Variants in SGCZ observed in about 807,000 individuals in gnomAD.
SGCZ encodes the protein sarcoglycan zeta, also known as zeta-sarcoglycan.
A neutral mutation model predicts 41.3 loss-of-function variants in SGCZ; 40 were observed. The observed-to-expected ratio is 0.97, with a 90% confidence interval of 0.75 to 1.26. The LOEUF (loss-of-function observed/expected upper bound fraction) is 1.26, where lower values mean the gene tolerates loss of function less well. Ranked by LOEUF, SGCZ falls within the 50% of genes most tolerant of loss-of-function variation. The pLI, the probability that SGCZ is intolerant of heterozygous loss-of-function variation, is 0.00. For synonymous variants in SGCZ, 206 were observed against 137.5 expected (o/e 1.50, Z -3.49); for missense variants, 552 against 369.8 (o/e 1.49, Z -4.04).
At chr8:14,786,719 A>G (rs1800777675) in intron 1 of SGCZ, among the ~76,000 whole-genome samples, 1 of 152,118 alleles carries the variant, frequency 6.6e-6, no homozygotes, top group African/African-American at 2.4e-5. Context: ...AATTACAAAT[A>G]TCTAAAGGGA....
rs1802048504 is a variant in SGCZ, at chr8:14,102,109, T to TTA, written c.744+266_744+267insTA. Reference sequence around the variant, plus strand: ...ATATATATATATATATATATAATTTTTTTTTTTTTTAGTAGAGATGGGGTT... The same window carrying TTA: ...ATATATATATATATATATATAATTTTTATTTTTTTTTTAGTAGAGATGGGGTT... On this transcript the variant is annotated intron_variant, in intron 7 of 7. Coordinates refer to ENST00000382080, the MANE Select transcript of SGCZ (RefSeq NM_139167.4). Among the ~76,000 whole-genome samples the TTA allele has an allele frequency of 5.4e-5, 8 of 146,960 alleles. No homozygotes were observed. The South Asian group carries it at 1.7e-3, about 31-fold the overall frequency.
chr8:14,736,220 GTTC>G, intron 1 of SGCZ, among the ~76,000 whole-genome samples: 1 of 152,102 alleles, frequency 6.6e-6, no homozygotes, highest in East Asian at 1.9e-4. Context: ...ACCACCTTTT[GTTC>G]TTCTGATTTC....
chr8:14,625,596 T>C (rs1806428711), intron 1 of SGCZ, among the ~76,000 whole-genome samples: 1 of 152,064 alleles, frequency 6.6e-6, no homozygotes, highest in African/African-American at 2.4e-5. Context: ...TTGTTGTTTT[T>C]GTTTTGTTTA....
At chr8:14,840,010 A>G (rs1802844556) in intron 1 of SGCZ, among the ~76,000 whole-genome samples, 1 of 151,978 alleles carries the variant, frequency 6.6e-6, no homozygotes. Flanking sequence ...TTGTTTTTAC[A>G]CCACTTTACA....
At chr8:14,538,868 C>T (rs1041364150) in intron 2 of SGCZ, among the ~76,000 whole-genome samples, 3 of 151,826 alleles carry the variant, frequency 2.0e-5, no homozygotes, top group Non-Finnish European at 2.9e-5. Context: ...ATGGTTCCCT[C>T]TAATTGCAAT....
chr8:14,541,340 C>G (rs996211286), intron 2 of SGCZ, among the ~76,000 whole-genome samples: 1 of 151,930 alleles, frequency 6.6e-6, no homozygotes, highest in African/African-American at 2.4e-5. Flanking sequence ...GTGATGTTCC[C>G]CTCCCTGTGT....
chr8:14,690,074 G>A (rs1368057014), intron 1 of SGCZ, among the ~76,000 whole-genome samples: 1 of 150,424 alleles, frequency 6.6e-6, no homozygotes, highest in African/African-American at 2.4e-5. Flanking sequence ...AGACAAATTC[G>A]TGCCACAAAT....
intron 2 of SGCZ, among the ~76,000 whole-genome samples, chr8:14,377,008 TG>T (rs1804156441): frequency 6.6e-6 from 1 of 152,208 alleles, no homozygotes; most frequent in Non-Finnish European, 1.5e-5. Flanking sequence ...GAACCCCTTT[TG>T]TTATACACAA....
At chr8:14,568,504 AT>A (rs1804452494) in intron 1 of SGCZ, among the ~76,000 whole-genome samples, 1 of 146,566 alleles carries the variant, frequency 6.8e-6, no homozygotes, top group African/African-American at 2.5e-5. Context: ...CTTTTGGAGG[AT>A]TTATATGTCA....
intron 5 of SGCZ, among the ~76,000 whole-genome samples, chr8:14,146,522 A>G (rs1017277894): frequency 2.0e-5 from 3 of 152,216 alleles, no homozygotes; most frequent in Admixed American, 6.5e-5. Flanking sequence ...GGCCATAGTA[A>G]GTAAACAGAA....
At chr8:14,613,906 A>T (rs1806012455) in intron 1 of SGCZ, among the ~76,000 whole-genome samples, 1 of 152,194 alleles carries the variant, frequency 6.6e-6, no homozygotes, top group South Asian at 2.1e-4. Context: ...AAAAAAATCA[A>T]AATCTAGCAG....
intron 4 of SGCZ, among the ~76,000 whole-genome samples, chr8:14,177,748 TCTC>T (rs1442684807): frequency 6.8e-6 from 1 of 147,082 alleles, no homozygotes; most frequent in Non-Finnish European, 1.5e-5. Flanking sequence ...ATGGTCTCGA[TCTC>T]CTGACCTCGT....
chr8:14,856,069 G>A (rs1450657192), intron 1 of SGCZ, among the ~76,000 whole-genome samples: 2 of 152,116 alleles, frequency 1.3e-5, no homozygotes, highest in Non-Finnish European at 2.9e-5. Flanking sequence ...CTAATACATT[G>A]TAAATTAATC....
Position 14,760,564 on chromosome 8 carries a change from C to T in SGCZ, c.40-205638G>A, listed in dbSNP as rs938822604. Among the ~76,000 whole-genome samples the T allele has an allele frequency of 5.9e-5, 9 of 152,036 alleles. No individual in the cohort carries two copies. The South Asian group carries it at 1.9e-3, about 32-fold the overall frequency. On this transcript the variant is annotated intron_variant, in intron 1 of 7. Coordinates refer to ENST00000382080, the MANE Select transcript of SGCZ (RefSeq NM_139167.4). ...ACCATGTAAAATACGGCATGTAACC[C>T]TCATTTAACTTTTGCAGTGTACAAC...
chr8:14,894,088 ATTGAT>A (rs1805112619), intron 1 of SGCZ, among the ~76,000 whole-genome samples: 1 of 152,176 alleles, frequency 6.6e-6, no homozygotes, highest in Admixed American at 6.5e-5. Context: ...ATTAATTGGC[ATTGAT>A]TTATCAAGCT....
At chr8:15,026,335 T>C (rs924562230) in intron 1 of SGCZ, among the ~76,000 whole-genome samples, 10 of 152,210 alleles carry the variant, frequency 6.6e-5, no homozygotes, top group African/African-American at 2.4e-4. Context: ...ATATTTGTTT[T>C]CAAACACTGA....
intron 1 of SGCZ, among the ~76,000 whole-genome samples, chr8:15,025,336 G>A (rs1470696838): frequency 6.6e-6 from 1 of 152,036 alleles, no homozygotes; most frequent in African/African-American, 2.4e-5. Context: ...TGAGTTTCAG[G>A]CTGTCATCTC....
intron 1 of SGCZ, among the ~76,000 whole-genome samples, chr8:14,669,076 T>A (rs956089681): frequency 6.6e-6 from 1 of 152,048 alleles, no homozygotes; most frequent in Non-Finnish European, 1.5e-5. Flanking sequence ...GGCTCAGGCC[T>A]GTAATCCCAG....
intron 1 of SGCZ, among the ~76,000 whole-genome samples, chr8:14,996,413 G>T (rs1802222273): frequency 6.6e-6 from 1 of 152,096 alleles, no homozygotes; most frequent in Non-Finnish European, 1.5e-5. Flanking sequence ...TTTTTGTTTT[G>T]TTTTGAAAGA....
Sources: allele counts gnomAD v4.1 joint callset (sites outside exome capture counted in the v4.1 genomes callset), GRCh38; gene constraint gnomAD v4.1.1; transcripts MANE v1.5; gene names NCBI Gene and HGNC (gene_info 2026-07-23, HGNC 2026-07-21).